RILPL1: variants seen among roughly 807,000 people sequenced by gnomAD.
RILPL1 encodes Rab interacting lysosomal protein like 1.
Under a neutral mutation model 50.3 loss-of-function variants are expected in RILPL1, and 33 were observed. That is an observed-to-expected ratio of 0.66 (90% CI 0.50 to 0.88). RILPL1 has a LOEUF of 0.88. Among genes scored for constraint, RILPL1 ranks in the 40% least tolerant of loss-of-function variants. The pLI is 0.00. For missense variants in RILPL1, 418 were observed against 542.5 expected (o/e 0.77, Z 2.28); for synonymous variants, 205 against 228.6 (o/e 0.90, Z 0.93).
chr12:123,507,347 G>A (rs556644758), intron 2 of RILPL1, among the ~76,000 whole-genome samples: 1 of 152,118 alleles, frequency 6.6e-6, no homozygotes, highest in South Asian at 2.1e-4. Context: ...AGGACTGCCT[G>A]AGCCCAGGAG....
chr12:123,530,571 G>C (rs1049096829), intron 1 of RILPL1, among the ~76,000 whole-genome samples: 7 of 152,182 alleles, frequency 4.6e-5, no homozygotes, highest in African/African-American at 1.7e-4. Context: ...CATCTGTCAT[G>C]GTCATTACTG....
At position 123,485,018 on chromosome 12, in the gene RILPL1, A is replaced by G; in HGVS notation, c.974+615T>C. On this transcript the variant is annotated intron_variant, in intron 5 of 6. Transcript: ENST00000376874. The surrounding 1 kb of genome is among the most constrained non-coding windows in gnomAD (Gnocchi z 4.0). ...AAACCTTTCAATAAAAATGTGTGGT[A>G]TTATATTTTTTATGCATCTCTTATC... 2.5e-6 allele frequency: 1 copy of G among 404,498 alleles called. No individual in the cohort carries two copies. The highest frequency in any genetic ancestry group is 5.0e-6 in the Non-Finnish European group (1 of 199,858). The allele number at this position is 404,498 out of a possible 1,614,324, so 25.1% of individuals were successfully genotyped here.
chr12:123,495,375 ATT>A lies in RILPL1; in HGVS notation c.801+3167_801+3168del, dbSNP rs34446983. Reference sequence around the variant, plus strand: ...TAAATTCGTTTTTTCCCTCTTAAACATTTTTTTTTTTTTTTTTGAGACAGAGT... The same window carrying A: ...TAAATTCGTTTTTTCCCTCTTAAACATTTTTTTTTTTTTTTGAGACAGAGT... On this transcript the variant is annotated intron_variant, in intron 4 of 6. Coordinates refer to ENST00000376874, the MANE Select transcript of RILPL1 (RefSeq NM_178314.5). Among the ~76,000 whole-genome samples the A allele has an allele frequency of 5.1e-3, 705 of 137,106 alleles. 8 individuals carry two copies. Among genetic ancestry groups the A allele is most frequent in the African/African-American group, 6.8e-3 (250 of 36,538 alleles). The allele number at this position is 137,106 out of a possible 152,430, so 89.9% of individuals were successfully genotyped here. A position where few individuals can be genotyped will look rare whatever the true frequency, so the allele number is the denominator to read the frequency against.
At position 123,489,090 on chromosome 12, in the gene RILPL1, C is replaced by T. The variant is rs1882528360; in HGVS notation, c.802-3285G>A. ...CGCGCCAGTTCTCCTCTTTCCCTGG[C>T]CCAGCTTCACCAAGGAGCAACCCTG... On this transcript the variant is annotated intron_variant, in intron 4 of 6. Transcript: ENST00000376874. The surrounding 1 kb of genome is among the most constrained non-coding windows in gnomAD (Gnocchi z 4.0). Among the ~76,000 whole-genome samples, 1 of 152,210 alleles carries T rather than the reference C, an allele frequency of 6.6e-6. No individual in the cohort carries two copies. The highest frequency in any genetic ancestry group is 2.1e-4 in the South Asian group (1 of 4,832).
chr12:123,512,791 T>TTG (rs375653800), intron 2 of RILPL1, among the ~76,000 whole-genome samples: 30 of 117,986 alleles, frequency 2.5e-4, no homozygotes, highest in African/African-American at 6.2e-4. Context: ...TGTGTGAGGT[T>TTG]TGTGTGTGTG....
At chr12:123,520,061 C>G (rs1884940140) in intron 2 of RILPL1, among the ~76,000 whole-genome samples, 1 of 152,212 alleles carries the variant, frequency 6.6e-6, no homozygotes. Context: ...CATAGTTTCC[C>G]TATGGCCCAG....
chr12:123,481,480 G>A (rs1411930730), intron 6 of RILPL1, among the ~76,000 whole-genome samples: 2 of 152,136 alleles, frequency 1.3e-5, no homozygotes, highest in Non-Finnish European at 2.9e-5. Flanking sequence ...GCCAGGGGTG[G>A]AGGAAACAAG....
intron 2 of RILPL1, among the ~76,000 whole-genome samples, chr12:123,517,453 C>G (rs1307881247): frequency 6.8e-6 from 1 of 146,432 alleles, no homozygotes; most frequent in Non-Finnish European, 1.5e-5. Flanking sequence ...GCGAGTCTCG[C>G]TGTGTTGCCC....
In RILPL1 at chr12:123,472,524, G is replaced by A; in HGVS notation, c.*14C>T. ...GGCGGGCAGTCCAGGTTGGAGGGTG[G>A]AGATGGGCCAAGGTCACAGATGCTG... is the stretch of plus-strand genomic sequence containing the variant. On this transcript the variant is annotated 3_prime_UTR_variant, in exon 7 of 7. Coordinates refer to ENST00000376874, the MANE Select transcript of RILPL1 (RefSeq NM_178314.5). 2 of 1,550,498 alleles carry A rather than the reference G, an allele frequency of 1.3e-6. No individual in the cohort carries two copies. Among genetic ancestry groups the A allele is most frequent in the Non-Finnish European group, 1.7e-6 (2 of 1,146,978 alleles).
At chr12:123,499,995 G>A (rs1403366365) in intron 2 of RILPL1, among the ~76,000 whole-genome samples, 3 of 149,644 alleles carry the variant, frequency 2.0e-5, no homozygotes, top group South Asian at 2.1e-4. Flanking sequence ...GCAGTGGCGC[G>A]ATCTCGGCTC....
chr12:123,511,722 GGTTT>G (rs1286791564), intron 2 of RILPL1, among the ~76,000 whole-genome samples: 2 of 134,786 alleles, frequency 1.5e-5, no homozygotes, highest in African/African-American at 5.6e-5. Context: ...GTGTGTGTGA[GGTTT>G]GTGTGTGTGG....
chr12:123,517,380 C>T (rs990128376), intron 2 of RILPL1, among the ~76,000 whole-genome samples: 37 of 150,566 alleles, frequency 2.5e-4, no homozygotes, highest in Non-Finnish European at 3.7e-4. Context: ...GGCAAACATA[C>T]GGAGAAAGGC....
intron 1 of RILPL1, among the ~76,000 whole-genome samples, chr12:123,530,096 C>T (rs1288225119): frequency 6.6e-6 from 1 of 152,134 alleles, no homozygotes; most frequent in Non-Finnish European, 1.5e-5. Context: ...ATACTGATTA[C>T]ATGTTGAAAT....
Position 123,533,402 on chromosome 12 carries a change from C to T in RILPL1, c.81G>A (p.Val27=), listed in dbSNP as rs1885516464. ...GGCCCACAAGCGACGCGATGTCGTA[C>T]ACGTCCATGACGGTCAGCTCGGCCA... The part of the protein sequence containing the change: ...KNVAELTVMD[V]YDIASLVGHE... The change falls in exon 1 of 7, where the codon GTG becomes GTA. Residue 27 remains valine (V), a synonymous_variant. Transcript: ENST00000376874. This position sits in a 1 kb window ranked among gnomAD's most constrained non-coding sequence, Gnocchi z 6.2. 1 of 1,553,520 alleles carries T rather than the reference C, an allele frequency of 6.4e-7. No homozygotes were observed. The highest frequency in any genetic ancestry group is 8.7e-7 in the Non-Finnish European group (1 of 1,149,990).
chr12:123,473,838 CAA>C (rs1474491225), intron 6 of RILPL1: 3 of 104,584 alleles, frequency 2.9e-5, no homozygotes, highest in Non-Finnish European at 4.5e-5. Context: ...AAGAAAAAAA[CAA>C]AAGAAAAAAA....
intron 2 of RILPL1, among the ~76,000 whole-genome samples, chr12:123,501,057 G>A (rs562141748): frequency 2.6e-4 from 40 of 151,806 alleles, no homozygotes; most frequent in African/African-American, 9.2e-4. Context: ...GCAGTGAGCC[G>A]AGATCGTGCC....
At position 123,491,393 on chromosome 12, in the gene RILPL1, C is replaced by T. The variant is rs1176334117; in HGVS notation, c.802-5588G>A. The stretch of plus-strand genomic sequence containing the variant: ...TTCCCAGGAAGGCCCAAGAGACCAA[C>T]TAACAAGCCACGAGGCTGCCCAGAG... On this transcript the variant is annotated intron_variant, in intron 4 of 6. Transcript: ENST00000376874. This position sits in a 1 kb window ranked among gnomAD's most constrained non-coding sequence, Gnocchi z 4.0. 6.6e-6 allele frequency among the ~76,000 whole-genome samples: 1 copy of T among 152,192 alleles called. No homozygotes were observed. The highest frequency in any genetic ancestry group is 1.5e-5 in the Non-Finnish European group (1 of 68,018).
chr12:123,499,110 C>T (rs187068649), intron 3 of RILPL1, among the ~76,000 whole-genome samples: 169 of 152,322 alleles, frequency 1.1e-3, no homozygotes, highest in African/African-American at 4.0e-3. Flanking sequence ...AGTCTGCTCA[C>T]AGAGAGGCAT....
chr12:123,514,366 GGAAGGTGGT>G (rs1884569904), intron 2 of RILPL1: 1 of 152,090 alleles, frequency 6.6e-6, no homozygotes, highest in Non-Finnish European at 1.5e-5. Context: ...AGTCACCTCA[GGAAGGTGGT>G]GAAAGTGTTT....
Sources: allele counts gnomAD v4.1 joint callset (sites outside exome capture counted in the v4.1 genomes callset), GRCh38; gene constraint gnomAD v4.1.1; non-coding constraint Gnocchi (gnomAD v3.1); transcripts MANE v1.5; gene names NCBI Gene and HGNC (gene_info 2026-07-23, HGNC 2026-07-21).